CACNB4: variants seen among roughly 807,000 people sequenced by gnomAD.
The protein encoded by CACNB4 is voltage-dependent L-type calcium channel subunit beta-4.
In CACNB4, 32 loss-of-function variants were observed where a neutral mutation model predicts 71.2. The observed-to-expected ratio is 0.45, with a 90% CI of 0.34 to 0.60. CACNB4 has a LOEUF of 0.60. Ranked by LOEUF, CACNB4 falls within the 20% of genes least tolerant of loss-of-function variation. CACNB4 has a pLI of 0.01. For synonymous variants in CACNB4, 231 were observed against 236.9 expected (o/e 0.97, Z 0.23); for missense variants, 464 against 647.9 (o/e 0.72, Z 3.08).
At position 151,839,134 on chromosome 2, in the gene CACNB4, G is replaced by A; in HGVS notation, c.1548C>T (p.Ser516=). ...TTCATTAGACTCAAAGCCTATGTCG[G>A]GAGTCATGGCTATATCCCCCAGGTG... ...RGSPGGYSHD[S]RHRL The change falls in exon 14 of 14, where the codon TCC becomes TCT. Residue 516 remains serine, a synonymous_variant. Coordinates refer to ENST00000539935, the MANE Select transcript of CACNB4 (RefSeq NM_000726.5). 3 of 1,610,998 alleles carry A rather than the reference G, an allele frequency of 1.9e-6. No homozygotes were observed. The South Asian group carries it at 3.3e-5, about 18-fold the overall frequency.
intron 7 of CACNB4, 27 bp downstream of exon 7, chr2:151,870,812 CAGT>C: frequency 1.3e-6 from 2 of 1,575,704 alleles, no homozygotes; most frequent in Non-Finnish European, 1.7e-6. Flanking sequence ...GGAACCTTAA[CAGT>C]AGATTTAAAA....
intron 2 of CACNB4, among the ~76,000 whole-genome samples, chr2:151,891,546 C>G (rs1378131635): frequency 6.6e-6 from 1 of 152,290 alleles, no homozygotes; most frequent in South Asian, 2.1e-4. Flanking sequence ...ACAAAGATTA[C>G]TTGATATGGA....
chr2:151,876,524 C>T lies in CACNB4; in HGVS notation c.423G>A (p.Leu141=), dbSNP rs1393255151. 6.2e-6 allele frequency: 10 copies of T among 1,601,568 alleles called. No individual in the cohort carries two copies. The highest frequency in any genetic ancestry group is 1.3e-5 in the African/African-American group (1 of 74,638). Residue 141 remains leucine (L), a synonymous_variant, in exon 5 of 14, where the codon CTG becomes CTA. Transcript: ENST00000539935. The stretch of plus-strand genomic sequence containing the variant: ...AGCCAATTTCACAGCCCTCTTTCAC[C>T]AGCCTTCCTATCCACCAATCATTGT... ...KYNNDWWIGR[L]VKEGCEIGFI...
chr2:151,991,436 T>C (rs1292476751), intron 2 of CACNB4, among the ~76,000 whole-genome samples: 12 of 152,222 alleles, frequency 7.9e-5, no homozygotes, highest in Non-Finnish European at 1.8e-4. Flanking sequence ...TGAGTCCTCC[T>C]CTCACCTGAA....
chr2:151,884,538 G>A (rs572302399), intron 2 of CACNB4, among the ~76,000 whole-genome samples: 18 of 150,076 alleles, frequency 1.2e-4, no homozygotes, highest in African/African-American at 4.1e-4. Flanking sequence ...AGGAGGCTGA[G>A]GCAGGAGAAT....
At chr2:151,854,177 C>G (rs1039261997) in intron 11 of CACNB4, 1 of 152,412 alleles carries the variant, frequency 6.6e-6, no homozygotes, top group Non-Finnish European at 1.5e-5. Flanking sequence ...CTATAATACC[C>G]CAGGACATAG....
intron 2 of CACNB4, among the ~76,000 whole-genome samples, chr2:151,888,319 TG>T (rs1305673847): frequency 6.6e-6 from 1 of 152,154 alleles, no homozygotes; most frequent in Non-Finnish European, 1.5e-5. Context: ...CCCAGCACTT[TG>T]GGAGGCTGAG....
chr2:151,962,356 C>G (rs1054396073), intron 2 of CACNB4, among the ~76,000 whole-genome samples: 2 of 152,174 alleles, frequency 1.3e-5, no homozygotes, highest in Non-Finnish European at 2.9e-5. Context: ...TTTATTAAAC[C>G]CTCTCAATTT....
chr2:151,915,654 C>T (rs565039609), intron 2 of CACNB4, among the ~76,000 whole-genome samples: 1 of 152,090 alleles, frequency 6.6e-6, no homozygotes, highest in East Asian at 1.9e-4. Context: ...ACCAGCCTGG[C>T]CAACATAGTG....
intron 2 of CACNB4, among the ~76,000 whole-genome samples, chr2:152,005,227 T>C (rs960087754): frequency 6.6e-6 from 1 of 152,190 alleles, no homozygotes; most frequent in Admixed American, 6.5e-5. Flanking sequence ...CATGTGTATG[T>C]TCATCGCAGT....
At chr2:151,911,181 T>C (rs2099856076) in intron 2 of CACNB4, among the ~76,000 whole-genome samples, 2 of 152,220 alleles carry the variant, frequency 1.3e-5, no homozygotes, top group African/African-American at 4.8e-5. Flanking sequence ...AAGTTGCTTA[T>C]CAGTTTAAGG....
rs190423246 is a variant in CACNB4, at chr2:152,060,121, T to C, written c.147+38209A>G. ...TATAAATTACCCAGTCTTGGGTGTT[T>C]CTTTATAGCAGTGTGAAAATGGACT... On this transcript the variant is annotated intron_variant, in intron 2 of 13. Transcript: ENST00000539935. Among the ~76,000 whole-genome samples, 90 of 152,344 alleles carry C rather than the reference T, an allele frequency of 5.9e-4. 2 individuals are homozygous for C. The highest frequency in any genetic ancestry group is 4.4e-5 in the Non-Finnish European group (3 of 68,036).
At chr2:151,906,278 CAT>C (rs1374505774) in intron 2 of CACNB4, among the ~76,000 whole-genome samples, 11 of 152,326 alleles carry the variant, frequency 7.2e-5, no homozygotes, top group African/African-American at 1.2e-4. Flanking sequence ...TGTTTCATCA[CAT>C]GAGTTTTCAA....
At chr2:151,896,254 A>G (rs2151490931) in intron 2 of CACNB4, among the ~76,000 whole-genome samples, 1 of 152,312 alleles carries the variant, frequency 6.6e-6, no homozygotes, top group South Asian at 2.1e-4. Context: ...TAAATTTGTG[A>G]AGCCTGTAGG....
intron 2 of CACNB4, among the ~76,000 whole-genome samples, chr2:152,004,879 T>G (rs1682636649): frequency 6.6e-6 from 1 of 152,200 alleles, no homozygotes; most frequent in African/African-American, 2.4e-5. Flanking sequence ...CGGCGTTTCT[T>G]GTCTGTTTCT....
chr2:151,860,522 G>A, intron 10 of CACNB4, 189 bp downstream of exon 10: 1 of 605,082 alleles, frequency 1.7e-6, no homozygotes, highest in Non-Finnish European at 3.0e-6. Context: ...GACTAAAGCT[G>A]AGAGACAGCA....
chr2:152,059,159 G>A (rs1685877483), intron 2 of CACNB4, among the ~76,000 whole-genome samples: 3 of 152,258 alleles, frequency 2.0e-5, no homozygotes, highest in South Asian at 2.1e-4. Flanking sequence ...GGACAGTGCA[G>A]AAGGGAAATG....
chr2:152,092,474 C>T (rs569180597), intron 2 of CACNB4, among the ~76,000 whole-genome samples: 7 of 152,138 alleles, frequency 4.6e-5, no homozygotes, highest in Non-Finnish European at 8.8e-5. Context: ...ATTATTGTAA[C>T]GATCATCTGA....
intron 9 of CACNB4, chr2:151,868,647 T>G (rs1041508933): frequency 5.3e-5 from 8 of 152,064 alleles, no homozygotes; most frequent in African/African-American, 1.7e-4. Context: ...AACCCACAAC[T>G]ATAATAAATA....
Sources: allele counts gnomAD v4.1 joint callset (sites outside exome capture counted in the v4.1 genomes callset), GRCh38; gene constraint gnomAD v4.1.1; transcripts MANE v1.5; gene names NCBI Gene and HGNC (gene_info 2026-07-23, HGNC 2026-07-21).